The following NEBL variants were observed in gnomAD, a reference collection of about 807,000 sequenced individuals.
NEBL encodes nebulette, also known as LIM and SH3 protein 2.
Under a neutral mutation model 140.2 loss-of-function variants are expected in NEBL, and 122 were observed. That is an observed-to-expected ratio of 0.87 (90% CI 0.75 to 1.01). The LOEUF (loss-of-function observed/expected upper bound fraction) is 1.01, where lower values mean the gene tolerates loss of function less well. Among genes scored for constraint, NEBL ranks in the 50% least tolerant of loss-of-function variants. NEBL has a pLI of 0.00. For synonymous variants in NEBL, 436 were observed against 398.9 expected (o/e 1.09, Z -1.11); for missense variants, 1,365 against 1,231.3 (o/e 1.11, Z -1.62).
chr10:20,966,540 G>A (rs1836326511), intron 3 of NEBL, among the ~76,000 whole-genome samples: 1 of 152,194 alleles, frequency 6.6e-6, no homozygotes, highest in African/African-American at 2.4e-5. Flanking sequence ...GCTGAAGTAT[G>A]TGCATTTCTG....
chr10:20,833,677 AC>A (rs1344272457), intron 14 of NEBL, among the ~76,000 whole-genome samples: 5 of 151,028 alleles, frequency 3.3e-5, no homozygotes, highest in Admixed American at 2.7e-4. Flanking sequence ...GTCTACTAGG[AC>A]CCTGGAGGCA....
chr10:21,002,546 G>T (rs537635699), intron 3 of NEBL, among the ~76,000 whole-genome samples: 1 of 152,228 alleles, frequency 6.6e-6, no homozygotes, highest in African/African-American at 2.4e-5. Flanking sequence ...ACTGAGACGG[G>T]GTAATTTATA....
At chr10:20,820,117 A>T (rs528629794) in intron 19 of NEBL, among the ~76,000 whole-genome samples, 3 of 152,328 alleles carry the variant, frequency 2.0e-5, no homozygotes, top group African/African-American at 7.2e-5. Flanking sequence ...AAGGAGAGTA[A>T]CAAAATCCTG....
Position 21,065,619 on chromosome 10 carries a change from T to C in NEBL, c.165-45418A>G, listed in dbSNP as rs77844991. ...AACTCATGATTCTTAATGCAAAACC[T>C]GTCACATCCACCTCTAGCATCTTCA... is the stretch of plus-strand genomic sequence containing the variant. On this transcript the variant is annotated intron_variant, in intron 2 of 6. Transcript: ENST00000417816. Among the ~76,000 whole-genome samples, 708 of 152,362 alleles carry C rather than the reference T, an allele frequency of 4.6e-3. 6 individuals carry two copies. Among genetic ancestry groups the C allele is most frequent in the African/African-American group, 0.016 (664 of 41,588 alleles).
At chr10:21,096,096 T>C (rs923155063) in intron 2 of NEBL, among the ~76,000 whole-genome samples, 3 of 152,210 alleles carry the variant, frequency 2.0e-5, no homozygotes, top group African/African-American at 7.2e-5. Flanking sequence ...CCATTTATTT[T>C]CCCCTAAAGA....
At chr10:20,991,921 T>A (rs1052546024) in intron 3 of NEBL, among the ~76,000 whole-genome samples, 2 of 152,208 alleles carry the variant, frequency 1.3e-5, no homozygotes, top group Non-Finnish European at 2.9e-5. Context: ...TCCAGCTGCA[T>A]CCATGTTGCT....
intron 3 of NEBL, among the ~76,000 whole-genome samples, chr10:20,972,097 A>G (rs1248819360): frequency 6.6e-6 from 1 of 152,256 alleles, no homozygotes; most frequent in Non-Finnish European, 1.5e-5. Context: ...TTCAGAAAAG[A>G]AAAGCTACAT....
At chr10:20,920,397 G>A (rs1463404494) in intron 4 of NEBL, among the ~76,000 whole-genome samples, 1 of 152,178 alleles carries the variant, frequency 6.6e-6, no homozygotes, top group Non-Finnish European at 1.5e-5. Context: ...TAACCCAAAT[G>A]CCCATCAACA....
chr10:20,943,278 C>T (rs80318171), intron 4 of NEBL, among the ~76,000 whole-genome samples: 2,875 of 152,262 alleles, frequency 0.019, 72 homozygotes, highest in African/African-American at 0.051. Flanking sequence ...GATGAGTTCA[C>T]GTCCTTTGTA....
upstream of NEBL, chr10:20,899,504 C>A: frequency 9.4e-7 from 1 of 1,061,952 alleles, no homozygotes; most frequent in Admixed American, 3.1e-5. Flanking sequence ...AAAACAAAAA[C>A]CAAACACCAC....
At chr10:20,836,172 C>T (rs1386070999) in intron 13 of NEBL, among the ~76,000 whole-genome samples, 3 of 151,698 alleles carry the variant, frequency 2.0e-5, no homozygotes, top group Admixed American at 6.6e-5. Flanking sequence ...CATGGTGTCT[C>T]GGTGTCACAT....
chr10:21,042,869 T>C (rs1834335573), intron 2 of NEBL, among the ~76,000 whole-genome samples: 3 of 152,262 alleles, frequency 2.0e-5, no homozygotes, highest in Admixed American at 2.0e-4. Flanking sequence ...AGAGAGCCTT[T>C]GCTTTCACTT....
At chr10:21,282,705 G>C (rs1417987758) in intron 1 of NEBL, among the ~76,000 whole-genome samples, 10 of 152,120 alleles carry the variant, frequency 6.6e-5, no homozygotes, top group African/African-American at 1.9e-4. Flanking sequence ...TGTTGAATAG[G>C]AGCTGGGTAA....
intron 7 of NEBL, among the ~76,000 whole-genome samples, chr10:20,861,034 G>A (rs1299192248): frequency 6.6e-6 from 1 of 151,828 alleles, no homozygotes; most frequent in Admixed American, 6.5e-5. Flanking sequence ...TAATCAGCAA[G>A]AACTCTTTAA....
intron 3 of NEBL, among the ~76,000 whole-genome samples, chr10:21,184,780 C>T (rs536520716): frequency 1.8e-4 from 27 of 152,090 alleles, no homozygotes; most frequent in Admixed American, 1.5e-3. Flanking sequence ...CTTTGTTAAG[C>T]GAAAAAGGTT....
intron 11 of NEBL, among the ~76,000 whole-genome samples, chr10:20,846,172 G>A (rs1165184533): frequency 6.6e-6 from 1 of 152,052 alleles, no homozygotes; most frequent in Non-Finnish European, 1.5e-5. Context: ...CATGCTTTAT[G>A]ACTATAAAGA....
chr10:20,872,993 A>G (rs1001061652), intron 5 of NEBL, among the ~76,000 whole-genome samples: 12 of 152,140 alleles, frequency 7.9e-5, no homozygotes, highest in Admixed American at 4.6e-4. Context: ...ACTTGCTTTC[A>G]CTTTATGGAC....
intron 2 of NEBL, among the ~76,000 whole-genome samples, chr10:21,137,512 T>C (rs997766091): frequency 9.8e-5 from 15 of 152,330 alleles, no homozygotes; most frequent in Middle Eastern, 3.4e-3. Context: ...CTGCTCCGTG[T>C]CTAAGAACAC....
rs146465335 is a variant in NEBL, at chr10:20,955,855, A to T, written c.357+5817T>A. ...AAAGAAAGGAATATGGGAAAAAAGGATTTCATGAAAAAAGGATCTTCACAG... is the reference window on the plus strand; with the variant it reads ...AAAGAAAGGAATATGGGAAAAAAGGTTTTCATGAAAAAAGGATCTTCACAG... On this transcript the variant is annotated intron_variant, in intron 4 of 6. Transcript: ENST00000417816. 5.1e-3 allele frequency among the ~76,000 whole-genome samples: 769 copies of T among 151,848 alleles called. 3 individuals carry two copies. The highest frequency in any genetic ancestry group is 5.7e-3 in the Non-Finnish European group (386 of 67,942).
Sources: gnomAD v4.1 joint callset for allele counts (sites outside exome capture counted in the v4.1 genomes callset) on GRCh38, gnomAD v4.1.1 for gene constraint, MANE v1.5 for transcripts, NCBI Gene and HGNC (gene_info 2026-07-23, HGNC 2026-07-21) for gene names.